TRDN: variants seen among roughly 807,000 people sequenced by gnomAD.
TRDN encodes the protein triadin in skeletal muscle.
A neutral mutation model predicts 149.7 loss-of-function variants in TRDN; 161 were observed. That is an observed-to-expected ratio of 1.08 (90% CI 0.95 to 1.23). The LOEUF is 1.23. TRDN is among the 50% of genes most tolerant of loss of function. The pLI, the probability that TRDN is intolerant of heterozygous loss-of-function variation, is 0.00. For missense variants in TRDN, 896 were observed against 823.5 expected, an observed-to-expected ratio of 1.09 and a Z score of -1.08; for synonymous variants, 294 against 250.5, an observed-to-expected ratio of 1.17 and a Z score of -1.64.
Position 123,272,964 on chromosome 6 carries a change from C to T in TRDN, c.1672G>A (p.Glu558Lys). The change falls in exon 29 of 41, where the codon GAA becomes AAA. Residue 558 changes from glutamate to lysine, a missense_variant and splice_region_variant. By Grantham distance (56) the Glu-to-Lys change is moderately conservative (BLOSUM62 1). Transcript: ENST00000334268. ...ACTACAAATACCACCTGCAAAATACCTGGTTTACCATGAGAAACAGTCTTT... is the reference window on the plus strand; with the variant it reads ...ACTACAAATACCACCTGCAAAATACTTGGTTTACCATGAGAAACAGTCTTT... ...PEKTVSHGKP[E>K]EKVLKQVKAV... The T allele has an allele frequency of 6.5e-7, 1 of 1,527,194 alleles. No individual in the cohort carries two copies. Among genetic ancestry groups the T allele is most frequent in the Non-Finnish European group, 8.8e-7 (1 of 1,136,618 alleles). 94.6% of individuals were successfully genotyped at this position (1,527,194 alleles called of 1,614,324 possible). A position where few individuals can be genotyped will look rare whatever the true frequency, so the allele number is the denominator to read the frequency against.
rs1363715034 is a variant in TRDN, at chr6:123,464,930, T to C, written c.907A>G (p.Thr303Ala). ...PLPTEQASRP[T>A]PASPALEEKE... ...CCTTCAAGGGCAGGTGATGCCGGAG[T>C]GGGTCTGGAAGCTTGTTCTGTCGGT... The change falls in exon 10 of 41, where the codon ACT (threonine) becomes GCT (alanine). Residue 303 changes from threonine to alanine, a missense_variant. Physicochemically the swap from Thr to Ala is moderately conservative, Grantham distance 58. Transcript: ENST00000334268. 2 of 1,593,960 alleles carry C rather than the reference T, an allele frequency of 1.3e-6. No homozygotes were observed. Among genetic ancestry groups the C allele is most frequent in the African/African-American group, 1.3e-5 (1 of 74,350 alleles).
chr6:123,253,907 G>C (rs1460986801), intron 37 of TRDN, among the ~76,000 whole-genome samples: 1 of 152,040 alleles, frequency 6.6e-6, no homozygotes, highest in Non-Finnish European at 1.5e-5. Flanking sequence ...TCTTGTATTT[G>C]CAGCAGCGTA....
chr6:123,452,504 C>T (rs199812372), intron 10 of TRDN, among the ~76,000 whole-genome samples: 1 of 150,344 alleles, frequency 6.7e-6, no homozygotes, highest in Non-Finnish European at 1.5e-5. Context: ...ACAATAGTTG[C>T]AAAAAAAAAA....
chr6:123,368,315 CT>C (rs1781193464), intron 19 of TRDN, among the ~76,000 whole-genome samples: 1 of 152,186 alleles, frequency 6.6e-6, no homozygotes, highest in Non-Finnish European at 1.5e-5. Context: ...ATCAACCAGT[CT>C]TGTGGCCTTT....
intron 7 of TRDN, chr6:123,510,190 A>T (rs1368261647): frequency 6.6e-6 from 1 of 152,074 alleles, no homozygotes; most frequent in African/African-American, 2.4e-5. Flanking sequence ...ATCTTCTAAA[A>T]ATGTTTCAGT....
At chr6:123,576,507 CATT>C (rs1782868047) in intron 1 of TRDN, among the ~76,000 whole-genome samples, 1 of 151,684 alleles carries the variant, frequency 6.6e-6, no homozygotes, top group African/African-American at 2.4e-5. Context: ...TTTATTTTAA[CATT>C]ATCTGGCACT....
intron 24 of TRDN, among the ~76,000 whole-genome samples, chr6:123,299,864 A>C (rs574628138): frequency 6.6e-6 from 1 of 152,048 alleles, no homozygotes; most frequent in Non-Finnish European, 1.5e-5. Flanking sequence ...ATAATGAAAA[A>C]CTAATATATT....
intron 9 of TRDN, among the ~76,000 whole-genome samples, chr6:123,491,397 A>G (rs1778212050): frequency 6.6e-6 from 1 of 152,172 alleles, no homozygotes; most frequent in South Asian, 2.1e-4. Flanking sequence ...TTCTTTCTGA[A>G]GATATTTCCC....
chr6:123,438,146 T>C, intron 11 of TRDN, 24 bp from the exon 12 acceptor site: 1 of 1,545,780 alleles, frequency 6.5e-7, no homozygotes, highest in Non-Finnish European at 8.8e-7. Context: ...AAGAAAGTTA[T>C]AAGCCTTTAC....
intron 9 of TRDN, chr6:123,470,400 A>G (rs1203724100): frequency 6.6e-6 from 1 of 152,192 alleles, no homozygotes; most frequent in Non-Finnish European, 1.5e-5. Context: ...TTGTGGAGAT[A>G]ATAGTACAAA....
intron 1 of TRDN, among the ~76,000 whole-genome samples, chr6:123,595,053 T>A (rs546746460): frequency 6.6e-6 from 1 of 151,990 alleles, no homozygotes; most frequent in South Asian, 2.1e-4. Flanking sequence ...CATTTTTGAG[T>A]CTTTGGAATT....
intron 12 of TRDN, among the ~76,000 whole-genome samples, chr6:123,417,576 G>A (rs1027690212): frequency 3.3e-5 from 5 of 152,174 alleles, no homozygotes; most frequent in Non-Finnish European, 5.9e-5. Context: ...AATGAGAAGA[G>A]AAAAGAGGTT....
At chr6:123,430,451 A>G (rs979072273) in intron 12 of TRDN, among the ~76,000 whole-genome samples, 8 of 151,742 alleles carry the variant, frequency 5.3e-5, no homozygotes, top group Admixed American at 1.3e-4. Context: ...GCATGGTGGC[A>G]TGTGCCTGTA....
At chr6:123,273,118 A>G (rs1777258784) in intron 28 of TRDN, 107 bp from the exon 29 acceptor site, 5 of 775,252 alleles carry the variant, frequency 6.4e-6, no homozygotes, top group South Asian at 4.4e-5. Flanking sequence ...TGAAATCTTC[A>G]TATCATCCTT....
At chr6:123,540,246 G>A (rs1268870299) in intron 4 of TRDN, among the ~76,000 whole-genome samples, 1 of 152,140 alleles carries the variant, frequency 6.6e-6, no homozygotes, top group African/African-American at 2.4e-5. Context: ...TGAACCAGAT[G>A]CTTTCGCAGA....
chr6:123,269,877 T>C lies in TRDN; in HGVS notation c.1721-11A>G, dbSNP rs1356432525. 8 of 1,610,162 alleles carry C rather than the reference T, an allele frequency of 5.0e-6. No individual in the cohort carries two copies. The highest frequency in any genetic ancestry group is 5.9e-6 in the Non-Finnish European group (7 of 1,177,774). On this transcript the variant is annotated splice_polypyrimidine_tract_variant and intron_variant, in intron 30 of 40. Coordinates refer to ENST00000334268, the MANE Select transcript of TRDN (RefSeq NM_006073.4). ...TTGGTTTGGGCTTGGCTGTGGAGAA[T>C]GGAGGCAAGCACATGGCATATTGAT...
chr6:123,273,388 G>A (rs1417497605), intron 27 of TRDN, 25 bp from the exon 28 acceptor site: 2 of 930,748 alleles, frequency 2.1e-6, no homozygotes, highest in Non-Finnish European at 2.9e-6. Flanking sequence ...TAACATATTA[G>A]ATTAAATTAC....
At chr6:123,547,198 A>T in intron 4 of TRDN, 142 bp downstream of exon 4, 1 of 526,168 alleles carries the variant, frequency 1.9e-6, no homozygotes. Flanking sequence ...GAAATTGAGT[A>T]TTTTTTTTCT....
chr6:123,321,949 CT>C (rs1047593899), intron 23 of TRDN, among the ~76,000 whole-genome samples: 1 of 152,146 alleles, frequency 6.6e-6, no homozygotes, highest in African/African-American at 2.4e-5. Context: ...ATTGTTCTAA[CT>C]TTGGGTGAGG....
Sources: allele counts gnomAD v4.1 joint callset (sites outside exome capture counted in the v4.1 genomes callset), GRCh38; gene constraint gnomAD v4.1.1; transcripts MANE v1.5; gene names NCBI Gene and HGNC (gene_info 2026-07-23, HGNC 2026-07-21).